Variants in CAPN15 observed in about 807,000 individuals in gnomAD.
CAPN15 encodes the protein calpain-15.
In CAPN15, 53 loss-of-function variants were observed where a neutral mutation model predicts 97.9. That is an observed-to-expected ratio of 0.54 (90% CI 0.43 to 0.68). CAPN15 has a LOEUF of 0.68. Ranked by LOEUF, CAPN15 falls within the 30% of genes least tolerant of loss-of-function variation. The pLI, the probability that CAPN15 is intolerant of heterozygous loss-of-function variation, is 0.00. For missense variants in CAPN15, 1,592 were observed against 1,589.8 expected (o/e 1.00, Z -0.02); for synonymous variants, 922 against 722.5 (o/e 1.28, Z -4.43).
Position 548,975 on chromosome 16 carries a change from T to C in CAPN15, c.1450-18T>C, listed in dbSNP as rs770871493. 1.9e-6 allele frequency: 3 copies of C among 1,611,988 alleles called. No individual in the cohort carries two copies. Among genetic ancestry groups the C allele is most frequent in the East Asian group, 2.2e-5 (1 of 44,852 alleles). ...GGCCACCCTGCCCAGCCTGAGCACA[T>C]GGCCGTGGTCTCTGCAGAACAATGT... On this transcript the variant is annotated intron_variant, in intron 4 of 13. Coordinates refer to ENST00000219611, the MANE Select transcript of CAPN15 (RefSeq NM_005632.3).
Position 552,507 on chromosome 16 carries a change from T to C in CAPN15, c.2714T>C (p.Leu905Pro). 6.2e-7 allele frequency: 1 copy of C among 1,604,680 alleles called. No homozygotes were observed. Among genetic ancestry groups the C allele is most frequent in the Non-Finnish European group, 8.5e-7 (1 of 1,178,766 alleles). ...CCAFNHWGPP[L>P]PGTPAPQASS... ...GCCTTCAACCACTGGGGGCCGCCCC[T>C]GCCGGGCACCCCTGCCCCCCAGGGT... Residue 905 changes from leucine to proline, a missense_variant, in exon 11 of 14, where the codon CTG (leucine) becomes CCG (proline). Physicochemically the swap from Leu to Pro is moderately conservative, Grantham distance 98. This residue lies in a region of CAPN15 where 644 missense variants were observed against 699.6 expected (regional missense o/e 0.92). Coordinates refer to ENST00000219611, the MANE Select transcript of CAPN15 (RefSeq NM_005632.3). This position sits in a 1 kb window ranked among gnomAD's most constrained non-coding sequence, Gnocchi z 6.4.
Position 530,802 on chromosome 16 carries a change from C to T in CAPN15, c.-190+2773C>T, listed in dbSNP as rs141927329. 3.1e-4 allele frequency among the ~76,000 whole-genome samples: 47 copies of T among 152,338 alleles called. No homozygotes were observed. The East Asian group carries it at 8.9e-3, about 29-fold the overall frequency. On this transcript the variant is annotated intron_variant, in intron 1 of 13. Coordinates refer to ENST00000219611, the MANE Select transcript of CAPN15 (RefSeq NM_005632.3). The stretch of plus-strand genomic sequence containing the variant: ...CCCGTGGGCCCCCCAAGATGAGCTG[C>T]GTCAGGCTGTTGCTTTGCACACTCT...
intron 7 of CAPN15, among the ~76,000 whole-genome samples, chr16:550,553 G>T (rs566665033): frequency 6.6e-6 from 1 of 152,230 alleles, no homozygotes; most frequent in Admixed American, 6.5e-5. Context: ...GCAAGGCCCC[G>T]GTCAGTGAGG....
At chr16:539,295 C>G (rs923074127) in intron 3 of CAPN15, 3 of 152,310 alleles carry the variant, frequency 2.0e-5, no homozygotes, top group African/African-American at 4.8e-5. Context: ...GCCGGCCAGC[C>G]TGCCGGGACG....
intron 3 of CAPN15, among the ~76,000 whole-genome samples, chr16:536,492 G>C (rs954086706): frequency 6.6e-6 from 1 of 151,802 alleles, no homozygotes; most frequent in Admixed American, 6.6e-5. Flanking sequence ...GCGCGGTCTC[G>C]GCTCACTGCA....
In CAPN15 at chr16:542,966, G is replaced by A. The variant is rs1019980880; in HGVS notation, c.-22-3851G>A. On this transcript the variant is annotated intron_variant, in intron 3 of 13. Transcript: ENST00000219611. Reference sequence around the variant, plus strand: ...CTAGGGAGGCTGAAGCAGGAGAATCGCTTGAACTTGGGAGGCGGAGGTTGC... The same window carrying A: ...CTAGGGAGGCTGAAGCAGGAGAATCACTTGAACTTGGGAGGCGGAGGTTGC... 4.6e-5 allele frequency among the ~76,000 whole-genome samples: 7 copies of A among 151,264 alleles called. 1 individual carries two copies. In the South Asian group the frequency reaches 8.3e-4, roughly 18 times the overall value.
rs199656743 is a variant in CAPN15, at chr16:547,229, A to C, written c.391A>C (p.Lys131Gln). 5.3e-5 allele frequency: 81 copies of C among 1,521,756 alleles called. No homozygotes were observed. The highest frequency in any genetic ancestry group is 3.1e-4 in the East Asian group (13 of 41,840). 94.3% of individuals were successfully genotyped at this position (1,521,756 alleles called of 1,614,324 possible). ...GTGCGAGGACAAGGACGAGGAGGAG[A>C]AGGAGGAGCAGGAGGAGGAGGAGGG... The part of the protein sequence containing the change: ...GQCEDKDEEE[K>Q]EEQEEEEGAA... The change falls in exon 4 of 14, where the codon AAG (lysine) becomes CAG (glutamine). Residue 131 changes from lysine (K) to glutamine (Q), a missense_variant. Transcript: ENST00000219611.
At chr16:553,151 C>G in intron 13 of CAPN15, 110 bp downstream of exon 13, 3 of 471,216 alleles carry the variant, frequency 6.4e-6, no homozygotes, top group Non-Finnish European at 1.1e-5. Flanking sequence ...GCCCCCTCCC[C>G]TACCCCGCTG....
At chr16:540,605 T>C (rs902196886) in intron 3 of CAPN15, among the ~76,000 whole-genome samples, 5 of 152,180 alleles carry the variant, frequency 3.3e-5, no homozygotes, top group African/African-American at 1.2e-4. Flanking sequence ...CGGCCCTGTG[T>C]TTCTCACAGG....
At position 548,065 on chromosome 16, in the gene CAPN15, G is replaced by T. The variant is rs2034726028; in HGVS notation, c.1227G>T (p.Leu409=). Residue 409 remains leucine (L), a synonymous_variant, in exon 4 of 14, where the codon CTG becomes CTT. Coordinates refer to ENST00000219611, the MANE Select transcript of CAPN15 (RefSeq NM_005632.3). The part of the protein sequence containing the change: ...VSSAQKAARV[L]PERPGQWACP... ...CGGCCCAGAAGGCCGCCCGCGTCCT[G>T]CCCGAGCGCCCGGGCCAGTGGGCCT... 1 of 1,541,838 alleles carries T rather than the reference G, an allele frequency of 6.5e-7. No individual in the cohort carries two copies. Among genetic ancestry groups the T allele is most frequent in the Non-Finnish European group, 8.7e-7 (1 of 1,144,500 alleles).
chr16:549,122 A>G lies in CAPN15; in HGVS notation c.1579A>G (p.Arg527Gly), dbSNP rs767078433. ...RPQEINCSVF[R>G]DHRATWSVFH... ...CCAGGAGATCAACTGCTCCGTCTTC[A>G]GGGACCACAGGGCCACGTGGTCTGT... Residue 527 changes from arginine (R) to glycine (G), a missense_variant, in exon 5 of 14, where the codon AGG (arginine) becomes GGG (glycine). Physicochemically the swap from Arg to Gly is moderately radical, Grantham distance 125 (BLOSUM62 -2). Around this residue, in one of 3 missense-constraint regions of CAPN15, gnomAD observed 883 missense variants for 776.6 expected, o/e 1.14. Coordinates refer to ENST00000219611, the MANE Select transcript of CAPN15 (RefSeq NM_005632.3). 10 of 1,612,056 alleles carry G rather than the reference A, an allele frequency of 6.2e-6. No individual in the cohort carries two copies. The highest frequency in any genetic ancestry group is 1.3e-5 in the African/African-American group (1 of 75,010).
intron 5 of CAPN15, 34 bp downstream of exon 5, chr16:549,235 T>TGGGGGG: frequency 1.9e-5 from 1 of 53,104 alleles, no homozygotes; most frequent in South Asian, 1.5e-4. Context: ...GTGGGGCGGG[T>TGGGGGG]GGGCGGGCGA....
chr16:552,610 A>G lies in CAPN15; in HGVS notation c.2743A>G (p.Ser915Gly), dbSNP rs1204564298. 1 of 1,538,610 alleles carries G rather than the reference A, an allele frequency of 6.5e-7. No homozygotes were observed. The highest frequency in any genetic ancestry group is 1.4e-5 in the African/African-American group (1 of 73,052). The change falls in exon 12 of 14, where the codon AGC (serine) becomes GGC (glycine). Residue 915 changes from serine (S) to glycine (G), a missense_variant. This residue lies in a region of CAPN15 where 644 missense variants were observed against 699.6 expected (regional missense o/e 0.92). Transcript: ENST00000219611. This position sits in a 1 kb window ranked among gnomAD's most constrained non-coding sequence, Gnocchi z 6.4. ...LPGTPAPQAS[S>G]PSAGVPRASP... Reference sequence around the variant, plus strand: ...TCACACGCCCGTCCTTGTAGCCTCCAGCCCCTCGGCAGGGGTCCCGAGAGC... The same window carrying G: ...TCACACGCCCGTCCTTGTAGCCTCCGGCCCCTCGGCAGGGGTCCCGAGAGC...
intron 1 of CAPN15, among the ~76,000 whole-genome samples, chr16:529,052 A>G (rs1337330283): frequency 6.6e-6 from 1 of 152,146 alleles, no homozygotes; most frequent in African/African-American, 2.4e-5. Flanking sequence ...TGGGGGAGGC[A>G]GGTCCTGCAG....
rs1234638564 is a variant in CAPN15 at position 533,976 on chromosome 16, C to T, written c.-159C>T. The T allele has an allele frequency of 3.0e-6, 3 of 985,378 alleles. No homozygotes were observed. In the African/African-American group the frequency reaches 5.2e-5, roughly 17 times the overall value. The allele number at this position is 985,378 out of a possible 1,614,324, so 61.0% of individuals were successfully genotyped here. A position where few individuals can be genotyped will look rare whatever the true frequency, so the allele number is the denominator to read the frequency against. ...AGCCCAGACGCGGCACAGAGAGGGC[C>T]TGGGAGCTTGCTGCAGCTTCAGGTG... On this transcript the variant is annotated 5_prime_UTR_variant, in exon 2 of 14. Coordinates refer to ENST00000219611, the MANE Select transcript of CAPN15 (RefSeq NM_005632.3).
rs1034883465 is a variant in CAPN15, at chr16:554,282, G to T, written c.*766G>T. The T allele has an allele frequency of 2.9e-6, 1 of 348,204 alleles. No individual in the cohort carries two copies. The highest frequency in any genetic ancestry group is 2.1e-5 in the African/African-American group (1 of 46,690). The allele number at this position is 348,204 out of a possible 1,614,324, so 21.6% of individuals were successfully genotyped here. A position where few individuals can be genotyped will look rare whatever the true frequency, so the allele number is the denominator to read the frequency against. On this transcript the variant is annotated 3_prime_UTR_variant, in exon 14 of 14. Transcript: ENST00000219611. ...CCCAGCACATCGTGGGCACGGGCAG[G>T]GCTCAGCCGCTCCCACCTCCCCACA...
chr16:528,866 C>G (rs1295427668), intron 1 of CAPN15: 1 of 665,982 alleles, frequency 1.5e-6, no homozygotes, highest in Non-Finnish European at 1.9e-6. Context: ...TTCCTCTGCC[C>G]AGGTCTGAGG....
chr16:545,391 C>T (rs1010745071), intron 3 of CAPN15, among the ~76,000 whole-genome samples: 4 of 152,120 alleles, frequency 2.6e-5, no homozygotes, highest in South Asian at 2.1e-4. Context: ...CGAGAGAGGC[C>T]GGCACAGCGC....
intron 3 of CAPN15, among the ~76,000 whole-genome samples, chr16:545,601 A>G (rs1050433732): frequency 6.6e-6 from 1 of 152,242 alleles, no homozygotes; most frequent in Admixed American, 6.5e-5. Context: ...GGTGTCTCCC[A>G]GCAGACACAC....
Sources: allele counts gnomAD v4.1 joint callset (sites outside exome capture counted in the v4.1 genomes callset), GRCh38; gene constraint gnomAD v4.1.1; regional missense constraint gnomAD v4.1.1; non-coding constraint Gnocchi (gnomAD v3.1); transcripts MANE v1.5; gene names NCBI Gene and HGNC (gene_info 2026-07-23, HGNC 2026-07-21).